Variants in DNAH5 observed in about 807,000 individuals in gnomAD.
DNAH5 encodes dynein axonemal heavy chain 5.
Under a neutral mutation model 518.2 loss-of-function variants are expected in DNAH5, and 372 were observed. That is an observed-to-expected ratio of 0.72 (90% CI 0.66 to 0.78). The LOEUF (loss-of-function observed/expected upper bound fraction) is 0.78, where lower values mean the gene tolerates loss of function less well. DNAH5 is among the 30% of genes least tolerant of loss of function. The probability of loss-of-function intolerance (pLI) is 0.00; values close to 1 mark genes in which losing one functional copy is unlikely to be tolerated. For synonymous variants in DNAH5, 2,039 were observed against 2,025.9 expected (o/e 1.01, Z -0.17); for missense variants, 5,523 against 5,687.0 (o/e 0.97, Z 0.93).
At chr5:13,978,678 G>A (rs766411321) in intron 1 of DNAH5, among the ~76,000 whole-genome samples, 1 of 152,194 alleles carries the variant, frequency 6.6e-6, no homozygotes, top group Non-Finnish European at 1.5e-5. Flanking sequence ...ACTCAGTACA[G>A]TAAGCTGCTG....
rs760847732 is a variant in DNAH5, at chr5:13,810,129, T to C, written c.7539A>G (p.Thr2513=). The C allele has an allele frequency of 2.6e-6, 4 of 1,549,896 alleles. No homozygotes were observed. The highest frequency in any genetic ancestry group is 2.4e-5 in the South Asian group (2 of 84,046). Reference sequence around the variant, plus strand: ...CTGGCGGCGGCAGCTCCAGCGTCCCTGTGGGCCGAGAGCGCAGCCAGAGCT... The same window carrying C: ...CTGGCGGCGGCAGCTCCAGCGTCCCCGTGGGCCGAGAGCGCAGCCAGAGCT... ...RLELWLRSRP[T]GTLELPPPAG... is the part of the protein sequence containing the mutation. Residue 2513 remains threonine, a synonymous_variant, in exon 45 of 79, where the codon ACA becomes ACG. Coordinates refer to ENST00000265104, the MANE Select transcript of DNAH5 (RefSeq NM_001369.3).
chr5:13,859,578 A>T lies in DNAH5; in HGVS notation c.4824T>A (p.Ile1608=), dbSNP rs1016408037. The T allele has an allele frequency of 1.9e-6, 3 of 1,614,048 alleles. No homozygotes were observed. In the African/African-American group the frequency reaches 4.0e-5, roughly 22 times the overall value. ...NRYNMPFKAQ[I]QKWVQYLSNS... The stretch of plus-strand genomic sequence containing the variant: ...TGGAAAGGTACTGCACCCATTTTTG[A>T]ATCTGGGCTTTGAATGGCATATTGT... Residue 1608 remains isoleucine, a synonymous_variant, in exon 30 of 79, where the codon ATT becomes ATA. Coordinates refer to ENST00000265104, the MANE Select transcript of DNAH5 (RefSeq NM_001369.3).
intron 7 of DNAH5, 102 bp downstream of exon 7, chr5:13,919,074 G>T: frequency 7.2e-7 from 1 of 1,384,424 alleles, no homozygotes; most frequent in Non-Finnish European, 1.0e-6. Flanking sequence ...TTTTCATCAA[G>T]GTATAATAAC....
In DNAH5 at chr5:13,841,833, T is replaced by C. The variant is rs1468241760; in HGVS notation, c.5343A>G (p.Ala1781=). The change falls in exon 33 of 79, where the codon GCA becomes GCG. Residue 1781 remains alanine, a synonymous_variant. Coordinates refer to ENST00000265104, the MANE Select transcript of DNAH5 (RefSeq NM_001369.3). Reference sequence around the variant, plus strand: ...TAAGCCAAACTTCCACATTGCCCTCTGCCATGACAGGTTTATCCAATTCAA... The same window carrying C: ...TAAGCCAAACTTCCACATTGCCCTCCGCCATGACAGGTTTATCCAATTCAA... The part of the protein sequence containing the change: ...ETIELDKPVM[A]EGNVEVWLNS... 4 of 1,609,332 alleles carry C rather than the reference T, an allele frequency of 2.5e-6. No individual in the cohort carries two copies. Among genetic ancestry groups the C allele is most frequent in the Non-Finnish European group, 3.4e-6 (4 of 1,179,076 alleles).
intron 55 of DNAH5, among the ~76,000 whole-genome samples, chr5:13,774,786 G>T (rs1057388610): frequency 1.3e-5 from 2 of 152,146 alleles, no homozygotes; most frequent in Non-Finnish European, 2.9e-5. Context: ...ATTAACAAAG[G>T]AGGGATCAAT....
chr5:13,913,319 T>G (rs1242670561), intron 11 of DNAH5, among the ~76,000 whole-genome samples: 3 of 152,076 alleles, frequency 2.0e-5, no homozygotes, highest in Admixed American at 6.5e-5. Context: ...TCCTTTATAT[T>G]TTTTAATATG....
intron 65 of DNAH5, among the ~76,000 whole-genome samples, chr5:13,740,501 G>A (rs142998879): frequency 5.9e-5 from 9 of 152,038 alleles, no homozygotes; most frequent in Admixed American, 3.9e-4. Flanking sequence ...CTCTAGCCAC[G>A]TTTGCTATTT....
In DNAH5 at chr5:13,871,666, G is replaced by A; in HGVS notation, c.3496C>T (p.Leu1166Phe). ...IKTFITQSPL[L>F]SEFESQILYF... ...AGAATCTGGGACTCAAATTCAGAAA[G>A]CAAGGGGCTCTGTGTAATAAATGTC... The change falls in exon 23 of 79, where the codon CTT becomes TTT. Residue 1166 changes from leucine to phenylalanine, a missense_variant. Physicochemically the swap from Leu to Phe is conservative, Grantham distance 22. Around this residue, in one of 3 missense-constraint regions of DNAH5, gnomAD observed 5,121 missense variants for 5,223.3 expected, o/e 0.98. Coordinates refer to ENST00000265104, the MANE Select transcript of DNAH5 (RefSeq NM_001369.3). The A allele has an allele frequency of 1.2e-6, 2 of 1,613,720 alleles. No individual in the cohort carries two copies. Among genetic ancestry groups the A allele is most frequent in the Non-Finnish European group, 1.7e-6 (2 of 1,179,740 alleles).
intron 12 of DNAH5, among the ~76,000 whole-genome samples, 159 bp from the exon 13 acceptor site, chr5:13,902,297 C>T (rs1774735987): frequency 6.6e-6 from 1 of 152,150 alleles, no homozygotes; most frequent in Non-Finnish European, 1.5e-5. Flanking sequence ...TGCCCAGAAG[C>T]CAGAAACAAA....
At chr5:13,904,182 A>C (rs753546126) in intron 12 of DNAH5, among the ~76,000 whole-genome samples, 7 of 151,402 alleles carry the variant, frequency 4.6e-5, no homozygotes, top group Admixed American at 1.3e-4. Context: ...ACAAAATATA[A>C]AAAGGAAAAA....
chr5:13,942,976 A>C (rs1372754667), intron 1 of DNAH5, among the ~76,000 whole-genome samples: 1 of 152,208 alleles, frequency 6.6e-6, no homozygotes, highest in East Asian at 1.9e-4. Context: ...TACATAATAC[A>C]CTGCAATACT....
chr5:13,696,411 C>T (rs898008970), intron 78 of DNAH5, among the ~76,000 whole-genome samples: 12 of 152,154 alleles, frequency 7.9e-5, no homozygotes, highest in Admixed American at 4.6e-4. Flanking sequence ...ATGACTTTCC[C>T]GTGATTTTCT....
Position 13,844,862 on chromosome 5 carries a change from A to C in DNAH5, c.5246T>G (p.Ile1749Ser), listed in dbSNP as rs770108485. The C allele has an allele frequency of 6.2e-7, 1 of 1,614,214 alleles. No individual in the cohort carries two copies. Among genetic ancestry groups the C allele is most frequent in the Non-Finnish European group, 8.5e-7 (1 of 1,180,036 alleles). ...CTTTTCGTGGAACTTGACAGATTTAATGTTGTCAAACACATTCAGCAAATG... is the reference window on the plus strand; with the variant it reads ...CTTTTCGTGGAACTTGACAGATTTACTGTTGTCAAACACATTCAGCAAATG... ...QAHLLNVFDNIKSVKFHEKIY... is the reference protein window; with the variant it reads ...QAHLLNVFDNSKSVKFHEKIY... Residue 1749 changes from isoleucine to serine, a missense_variant, in exon 32 of 79, where the codon ATT (isoleucine) becomes AGT (serine). Physicochemically the swap from Ile to Ser is moderately radical, Grantham distance 142. This residue lies in a region of DNAH5 where 5,121 missense variants were observed against 5,223.3 expected (regional missense o/e 0.98). Transcript: ENST00000265104.
upstream of DNAH5, among the ~76,000 whole-genome samples, chr5:13,944,891 C>G: frequency 6.6e-6 from 1 of 152,164 alleles, no homozygotes. Flanking sequence ...TAAACCATAT[C>G]AGATTAGAAA....
intron 21 of DNAH5, among the ~76,000 whole-genome samples, chr5:13,880,561 G>A (rs1771514074): frequency 6.6e-6 from 1 of 151,952 alleles, no homozygotes; most frequent in African/African-American, 2.4e-5. Context: ...AATGTATGAG[G>A]TGGGGAGTAA....
At chr5:13,895,893 C>T (rs1773864671) in intron 15 of DNAH5, among the ~76,000 whole-genome samples, 3 of 152,098 alleles carry the variant, frequency 2.0e-5, no homozygotes, top group Admixed American at 2.0e-4. Flanking sequence ...TTCCAGTCCA[C>T]AGGTCAAAAC....
chr5:13,722,160 A>T (rs1035897979), intron 70 of DNAH5, among the ~76,000 whole-genome samples: 1 of 152,046 alleles, frequency 6.6e-6, no homozygotes, highest in Admixed American at 6.6e-5. Context: ...GAGCCTCCCC[A>T]CTCCAATTCC....
intron 72 of DNAH5, among the ~76,000 whole-genome samples, chr5:13,718,218 A>G (rs30170): frequency 0.4 from 60,872 of 151,998 alleles, 12,302 homozygotes; most frequent in Middle Eastern, 0.44. Flanking sequence ...CAATTCTCCT[A>G]GAGAGATTCT....
chr5:13,955,071 G>C (rs1487151773), intron 1 of DNAH5, among the ~76,000 whole-genome samples: 1 of 152,160 alleles, frequency 6.6e-6, no homozygotes, highest in Admixed American at 6.5e-5. Flanking sequence ...TAATCCCCAC[G>C]TATTGAAGGT....
Sources: gnomAD v4.1 joint callset for allele counts (sites outside exome capture counted in the v4.1 genomes callset) on GRCh38, gnomAD v4.1.1 for gene constraint, gnomAD v4.1.1 regional missense constraint, MANE v1.5 for transcripts, NCBI Gene and HGNC (gene_info 2026-07-23, HGNC 2026-07-21) for gene names.